The following PRR16 variants were observed in gnomAD, a reference collection of about 807,000 sequenced individuals.
PRR16 encodes protein Largen.
Under a neutral mutation model 18.2 loss-of-function variants are expected in PRR16, and 6 were observed. That is an observed-to-expected ratio of 0.33 (90% CI 0.18 to 0.65). The LOEUF (loss-of-function observed/expected upper bound fraction) is 0.65, where lower values mean the gene tolerates loss of function less well. Ranked by LOEUF, PRR16 falls within the 30% of genes least tolerant of loss-of-function variation. The probability of loss-of-function intolerance (pLI) is 0.74; values close to 1 mark genes in which losing one functional copy is unlikely to be tolerated. For synonymous variants in PRR16, 151 were observed against 147.8 expected, an observed-to-expected ratio of 1.02 and a Z score of -0.16; for missense variants, 412 against 376.6, an observed-to-expected ratio of 1.09 and a Z score of -0.78.
chr5:120,709,250 G>C, the PRR16 span, among the ~76,000 whole-genome samples: 1 of 151,870 alleles, frequency 6.6e-6, no homozygotes, highest in African/African-American at 2.4e-5. Context: ...CTCGTGATCT[G>C]CCCGCCTGGG....
chr5:120,642,718 A>G (rs1275370564), intron 1 of PRR16, among the ~76,000 whole-genome samples: 1 of 152,064 alleles, frequency 6.6e-6, no homozygotes, highest in East Asian at 1.9e-4. Flanking sequence ...AAGAACTTCA[A>G]ACAACTGGCT....
chr5:120,704,368 TGGCCTAA>T, the PRR16 span, among the ~76,000 whole-genome samples: 2 of 152,276 alleles, frequency 1.3e-5, no homozygotes, highest in African/African-American at 4.8e-5. Context: ...CCTCCTTTCC[TGGCCTAA>T]GGATGTGTTG....
chr5:120,586,954 A>T (rs1027244635), intron 1 of PRR16, among the ~76,000 whole-genome samples: 3 of 152,256 alleles, frequency 2.0e-5, no homozygotes, highest in Non-Finnish European at 4.4e-5. Context: ...ATTCAATGGA[A>T]AGATTCTTGA....
intron 1 of PRR16, among the ~76,000 whole-genome samples, chr5:120,574,233 A>G (rs1301553296): frequency 6.6e-6 from 1 of 152,168 alleles, no homozygotes; most frequent in Admixed American, 6.6e-5. Flanking sequence ...TGAGAATATA[A>G]TAATTGCAAC....
At chr5:120,694,840 C>G in the PRR16 span, among the ~76,000 whole-genome samples, 1 of 152,146 alleles carries the variant, frequency 6.6e-6, no homozygotes, top group African/African-American at 2.4e-5. Context: ...GTCTAATACA[C>G]TAGTCATCTT....
At chr5:120,660,902 A>G (rs1756152443) in intron 1 of PRR16, among the ~76,000 whole-genome samples, 1 of 152,126 alleles carries the variant, frequency 6.6e-6, no homozygotes. Flanking sequence ...TGTCAAGTAT[A>G]TCGTCAAGTC....
At chr5:120,760,043 A>T in the PRR16 span, among the ~76,000 whole-genome samples, 1 of 152,198 alleles carries the variant, frequency 6.6e-6, no homozygotes, top group African/African-American at 2.4e-5. Flanking sequence ...GTCTAAAAGC[A>T]AAAAGACCTA....
At chr5:120,520,267 C>T (rs1431888154) in intron 1 of PRR16, among the ~76,000 whole-genome samples, 7 of 151,606 alleles carry the variant, frequency 4.6e-5, no homozygotes, top group Admixed American at 2.6e-4. Flanking sequence ...TGGTGGCAGG[C>T]GCCTGTAATC....
At chr5:120,725,633 T>C in the PRR16 span, among the ~76,000 whole-genome samples, 1 of 151,990 alleles carries the variant, frequency 6.6e-6, no homozygotes, top group Non-Finnish European at 1.5e-5. Context: ...GCTATAATCA[T>C]ACTATTGCAT....
chr5:120,467,017 A>G (rs1749126452), intron 1 of PRR16, among the ~76,000 whole-genome samples: 1 of 152,236 alleles, frequency 6.6e-6, no homozygotes. Flanking sequence ...CAAAGTATTT[A>G]TAGGGTATGT....
chr5:120,519,135 G>A (rs113647255), intron 1 of PRR16, among the ~76,000 whole-genome samples: 1 of 152,040 alleles, frequency 6.6e-6, no homozygotes, highest in African/African-American at 2.4e-5. Context: ...CATTGAGTTT[G>A]GAGGGCATGG....
intron 1 of PRR16, among the ~76,000 whole-genome samples, chr5:120,603,107 T>C (rs1359357283): frequency 1.3e-5 from 2 of 152,040 alleles, no homozygotes; most frequent in Admixed American, 6.6e-5. Context: ...TTCCTTCTCT[T>C]TGATTTTTTG....
chr5:120,721,955 A>C, the PRR16 span, among the ~76,000 whole-genome samples: 1 of 152,066 alleles, frequency 6.6e-6, no homozygotes, highest in African/African-American at 2.4e-5. Context: ...CAAGGTATAC[A>C]CATGCTTTGC....
At chr5:120,763,800 A>T in the PRR16 span, among the ~76,000 whole-genome samples, 1 of 151,750 alleles carries the variant, frequency 6.6e-6, no homozygotes, top group Non-Finnish European at 1.5e-5. Flanking sequence ...TAGGTGTTTT[A>T]TTTATTTATT....
downstream of PRR16, among the ~76,000 whole-genome samples, chr5:120,690,956 G>C (rs1757202106): frequency 6.6e-6 from 1 of 152,138 alleles, no homozygotes; most frequent in African/African-American, 2.4e-5. Flanking sequence ...GTATGGAATT[G>C]TGTAAAGACA....
At chr5:120,654,191 T>C (rs1302784200) in intron 1 of PRR16, among the ~76,000 whole-genome samples, 1 of 152,046 alleles carries the variant, frequency 6.6e-6, no homozygotes, top group Non-Finnish European at 1.5e-5. Flanking sequence ...AATGCAGACA[T>C]GATGGCTGCA....
chr5:120,676,439 C>A (rs1157872514), intron 1 of PRR16, among the ~76,000 whole-genome samples: 1 of 151,750 alleles, frequency 6.6e-6, no homozygotes, highest in African/African-American at 2.4e-5. Context: ...TATAGCAGAG[C>A]AGAAAGTTAG....
At chr5:120,764,703 T>C in the PRR16 span, among the ~76,000 whole-genome samples, 4 of 152,114 alleles carry the variant, frequency 2.6e-5, no homozygotes, top group Admixed American at 2.6e-4. Flanking sequence ...GAAGTGTATA[T>C]AATGCATTTA....
At chr5:120,721,128 A>G in the PRR16 span, among the ~76,000 whole-genome samples, 2 of 152,086 alleles carry the variant, frequency 1.3e-5, no homozygotes, top group Admixed American at 1.3e-4. Flanking sequence ...AAATGTATGG[A>G]ATTCATTTAT....
Sources: allele counts gnomAD v4.1 joint callset (sites outside exome capture counted in the v4.1 genomes callset), GRCh38; gene constraint gnomAD v4.1.1; transcripts MANE v1.5; gene names NCBI Gene and HGNC (gene_info 2026-07-23, HGNC 2026-07-21).